CALCOCO2: variants seen among roughly 807,000 people sequenced by gnomAD.
CALCOCO2 encodes calcium-binding and coiled-coil domain-containing protein 2.
In CALCOCO2, 42 loss-of-function variants were observed where a neutral mutation model predicts 62.5. The observed-to-expected ratio is 0.67, with a 90% CI of 0.53 to 0.87. The LOEUF (loss-of-function observed/expected upper bound fraction) is 0.87. CALCOCO2 is among the 40% of genes least tolerant of loss of function. The pLI is 0.00. For missense variants in CALCOCO2, 456 were observed against 515.0 expected (o/e 0.89, Z 1.11); for synonymous variants, 167 against 173.0 (o/e 0.97, Z 0.27).
chr17:48,846,042 T>A, intron 2 of CALCOCO2: 1 of 1,463,058 alleles, frequency 6.8e-7, no homozygotes, highest in Non-Finnish European at 9.2e-7. Flanking sequence ...AGTGTAGTCT[T>A]AATCAGACTA....
chr17:48,838,366 A>C lies in CALCOCO2; in HGVS notation c.-10-3332A>C, dbSNP rs182454579. 3.3e-3 allele frequency among the ~76,000 whole-genome samples: 500 copies of C among 151,918 alleles called. 2 individuals carry two copies. The highest frequency in any genetic ancestry group is 6.8e-3 in the Middle Eastern group (2 of 292). On this transcript the variant is annotated intron_variant, in intron 1 of 12. Transcript: ENST00000258947. ...GCCGGGCTGTCTGCTTGTGGATTTC[A>C]TTTCTGCCTTTTAGTTTTTACTTTT...
At position 48,850,475 on chromosome 17, in the gene CALCOCO2, A is replaced by C. The variant is rs563620514; in HGVS notation, c.544-614A>C. Among the ~76,000 whole-genome samples the C allele has an allele frequency of 2.6e-5, 4 of 152,180 alleles. No individual in the cohort carries two copies. The South Asian group carries it at 8.3e-4, about 32-fold the overall frequency. On this transcript the variant is annotated intron_variant, in intron 5 of 12. Coordinates refer to ENST00000258947, the MANE Select transcript of CALCOCO2 (RefSeq NM_005831.5). ...TTATCTCAAAAAAAATTAAAAACAA[A>C]AAATATATATATATGCATACACATA...
At chr17:48,850,372 G>T (rs1279017114) in intron 5 of CALCOCO2, among the ~76,000 whole-genome samples, 1 of 152,076 alleles carries the variant, frequency 6.6e-6, no homozygotes. Context: ...CAAGATAATT[G>T]CTTGAACCCG....
chr17:48,857,497 C>CTTTTTTTTTTTTTTTTTTT lies in CALCOCO2; in HGVS notation c.1008+1315_1008+1333dup, dbSNP rs59318856. Among the ~76,000 whole-genome samples the CTTTTTTTTTTTTTTTTTTT allele has an allele frequency of 2.8e-3, 107 of 38,436 alleles. 22 individuals carry two copies. Among genetic ancestry groups the CTTTTTTTTTTTTTTTTTTT allele is most frequent in the East Asian group, 8.0e-3 (4 of 502 alleles). 25.2% of individuals were successfully genotyped at this position (38,436 alleles called of 152,430 possible). ...CAGGCGTGAGCCACTGCACCCGGCC[C>CTTTTTTTTTTTTTTTTTTT]TTTTTTTTTTTTTTTTTTTTTTTGA... On this transcript the variant is annotated intron_variant, in intron 10 of 12. Coordinates refer to ENST00000258947, the MANE Select transcript of CALCOCO2 (RefSeq NM_005831.5).
chr17:48,837,522 T>C (rs997223720), intron 1 of CALCOCO2, among the ~76,000 whole-genome samples: 1 of 152,118 alleles, frequency 6.6e-6, no homozygotes, highest in Non-Finnish European at 1.5e-5. Context: ...GGCGTGCACC[T>C]GTAGTCCCAG....
intron 2 of CALCOCO2, chr17:48,842,380 C>T (rs1037297798): frequency 6.6e-6 from 1 of 152,398 alleles, no homozygotes; most frequent in Non-Finnish European, 1.5e-5. Flanking sequence ...GTCTCAAACT[C>T]CTGATCTCAG....
At chr17:48,857,198 CT>C (rs34508915) in intron 10 of CALCOCO2, among the ~76,000 whole-genome samples, 64,470 of 127,810 alleles carry the variant, frequency 0.5, 15,442 homozygotes, top group East Asian at 0.82. Flanking sequence ...CATCTTTACC[CT>C]TTTTTTTTTT....
At chr17:48,846,418 A>G (rs765215574) in intron 2 of CALCOCO2, 18 of 1,081,528 alleles carry the variant, frequency 1.7e-5, no homozygotes, top group African/African-American at 1.1e-4. Context: ...GTATAATCCT[A>G]TGCTTCATAC....
chr17:48,846,494 A>C (rs1181816832), intron 2 of CALCOCO2: 1 of 1,487,732 alleles, frequency 6.7e-7, no homozygotes, highest in African/African-American at 1.4e-5. Context: ...CAAATGGAGG[A>C]GCCAAGGACA....
At chr17:48,858,843 A>G (rs1366220716) in intron 10 of CALCOCO2, among the ~76,000 whole-genome samples, 1 of 151,670 alleles carries the variant, frequency 6.6e-6, no homozygotes, top group African/African-American at 2.4e-5. Flanking sequence ...TCACGAGGTC[A>G]GGAGTTCAAG....
At chr17:48,851,776 T>G (rs765116496) in intron 7 of CALCOCO2, 148 bp downstream of exon 7, 21 of 614,992 alleles carry the variant, frequency 3.4e-5, no homozygotes, top group Non-Finnish European at 6.0e-5. Context: ...GTTATGTATT[T>G]TCCATTCTTG....
intron 10 of CALCOCO2, among the ~76,000 whole-genome samples, chr17:48,858,016 ATAG>A (rs373837761): frequency 6.3e-5 from 1 of 15,914 alleles, no homozygotes; most frequent in Non-Finnish European, 2.1e-4. Flanking sequence ...ATAGAATAGA[ATAG>A]AATAGAATAG....
chr17:48,854,398 T>TATATATATATATATATA (rs1567757340), intron 9 of CALCOCO2, among the ~76,000 whole-genome samples: 1 of 1,356 alleles, frequency 7.4e-4, no homozygotes, highest in African/African-American at 1.1e-3. Context: ...ATATATATAT[T>TATATATATATATATATA]TTTTTTTTTT....
At chr17:48,846,193 G>A in intron 2 of CALCOCO2, 1 of 636,340 alleles carries the variant, frequency 1.6e-6, no homozygotes, top group African/African-American at 1.9e-5. Flanking sequence ...CTGGAGTGCA[G>A]AGGTGCAATC....
chr17:48,857,975 A>G (rs1224584955), intron 10 of CALCOCO2, among the ~76,000 whole-genome samples: 3 of 15,872 alleles, frequency 1.9e-4, no homozygotes, highest in Admixed American at 1.4e-3. Context: ...AGACTACATC[A>G]ATAGAATAGA....
intron 5 of CALCOCO2, among the ~76,000 whole-genome samples, chr17:48,849,647 AG>A (rs1315977839): frequency 1.3e-5 from 2 of 151,954 alleles, no homozygotes; most frequent in Non-Finnish European, 2.9e-5. Flanking sequence ...CTGGGATTAC[AG>A]GTGATCACCA....
chr17:48,854,382 T>TTA (rs201839175), intron 9 of CALCOCO2, among the ~76,000 whole-genome samples: 62 of 5,986 alleles, frequency 0.01, 3 homozygotes, highest in Admixed American at 0.018. Flanking sequence ...TTTCTTTTAT[T>TTA]TATATATATA....
intron 6 of CALCOCO2, 178 bp downstream of exon 6, chr17:48,851,355 G>T (rs1188724953): frequency 3.2e-6 from 2 of 624,728 alleles, no homozygotes; most frequent in Non-Finnish European, 2.9e-6. Context: ...CAGGAAAAAT[G>T]ATCTGATTTC....
chr17:48,849,561 A>G (rs1289307617), intron 5 of CALCOCO2, among the ~76,000 whole-genome samples, 184 bp downstream of exon 5: 5 of 152,100 alleles, frequency 3.3e-5, no homozygotes, highest in Admixed American at 6.5e-5. Context: ...GCTGGAGTGC[A>G]AGGGTGCGAT....
Sources: allele counts gnomAD v4.1 joint callset (sites outside exome capture counted in the v4.1 genomes callset), GRCh38; gene constraint gnomAD v4.1.1; transcripts MANE v1.5; gene names NCBI Gene and HGNC (gene_info 2026-07-23, HGNC 2026-07-21).